Variants in SLC35F3 observed in about 807,000 individuals in gnomAD.
SLC35F3 encodes putative thiamine transporter SLC35F3.
Under a neutral mutation model 49.9 loss-of-function variants are expected in SLC35F3, and 25 were observed. The ratio of observed to expected loss-of-function variants is 0.50; its 90% confidence interval spans 0.37 to 0.70. The LOEUF (loss-of-function observed/expected upper bound fraction) is 0.70, where lower values mean the gene tolerates loss of function less well. Among genes scored for constraint, SLC35F3 ranks in the 30% least tolerant of loss-of-function variants. SLC35F3 has a pLI of 0.00. For missense variants in SLC35F3, 525 were observed against 639.8 expected (o/e 0.82, Z 1.94); for synonymous variants, 275 against 265.4 (o/e 1.04, Z -0.35).
intron 3 of SLC35F3, among the ~76,000 whole-genome samples, chr1:234,270,791 C>G (rs1284083735): frequency 6.6e-6 from 1 of 152,116 alleles, no homozygotes; most frequent in African/African-American, 2.4e-5. Context: ...CTTGCAAGGC[C>G]AAATTGGGAT....
intron 2 of SLC35F3, among the ~76,000 whole-genome samples, chr1:234,094,730 C>T (rs763608080): frequency 2.0e-5 from 3 of 152,036 alleles, no homozygotes; most frequent in Non-Finnish European, 4.4e-5. Context: ...TTTTATGAGG[C>T]ATGAGGGAGG....
At chr1:234,265,739 C>G (rs922227931) in intron 3 of SLC35F3, among the ~76,000 whole-genome samples, 1 of 152,174 alleles carries the variant, frequency 6.6e-6, no homozygotes, top group African/African-American at 2.4e-5. Flanking sequence ...CACTCCCCTA[C>G]TCAAACCCCT....
chr1:234,262,628 G>A (rs571693953), intron 3 of SLC35F3, among the ~76,000 whole-genome samples: 3 of 152,334 alleles, frequency 2.0e-5, no homozygotes, highest in African/African-American at 7.2e-5. Context: ...ATTAGGACCT[G>A]AGTATGCCAA....
At chr1:234,074,274 A>G (rs1026464459) in intron 2 of SLC35F3, among the ~76,000 whole-genome samples, 2 of 152,152 alleles carry the variant, frequency 1.3e-5, no homozygotes, top group African/African-American at 4.8e-5. Context: ...ATTACCTGCT[A>G]TTATCTCTTC....
intron 2 of SLC35F3, among the ~76,000 whole-genome samples, chr1:234,069,471 G>A (rs1664681704): frequency 6.6e-6 from 1 of 151,968 alleles, no homozygotes; most frequent in Non-Finnish European, 1.5e-5. Context: ...TAGCCAGGAT[G>A]GTCTTGATCT....
intron 2 of SLC35F3, among the ~76,000 whole-genome samples, chr1:234,003,042 G>A (rs754093002): frequency 2.0e-5 from 3 of 150,324 alleles, no homozygotes; most frequent in South Asian, 2.1e-4. Context: ...AATTCCTGCC[G>A]CTACAAGATA....
intron 2 of SLC35F3, among the ~76,000 whole-genome samples, chr1:234,102,301 C>T (rs921645021): frequency 6.6e-6 from 1 of 152,094 alleles, no homozygotes; most frequent in Non-Finnish European, 1.5e-5. Context: ...GGATTCAGAC[C>T]CGGATCAGGT....
chr1:234,109,521 G>A (rs1665373593), intron 2 of SLC35F3, among the ~76,000 whole-genome samples: 1 of 152,178 alleles, frequency 6.6e-6, no homozygotes, highest in African/African-American at 2.4e-5. Context: ...TCTCATCACT[G>A]TTTCTCTGTG....
At chr1:234,287,180 C>T (rs10910408) in intron 3 of SLC35F3, among the ~76,000 whole-genome samples, 19,355 of 152,086 alleles carry the variant, frequency 0.13, 1,446 homozygotes, top group Non-Finnish European at 0.17. Context: ...GCCTGGGCAA[C>T]AGAGTGAGAC....
chr1:233,960,684 G>C lies in SLC35F3; in HGVS notation c.283+54926G>C, dbSNP rs75589907. Among the ~76,000 whole-genome samples, 2,462 of 152,178 alleles carry C rather than the reference G, an allele frequency of 0.016. 97 individuals are homozygous for C. In the East Asian group the frequency reaches 0.17, roughly 10 times the overall value. On this transcript the variant is annotated intron_variant, in intron 2 of 7. Transcript: ENST00000366618. ...TTCCCAATTATAAATGCCACCACTGGGTCCTAGTCAACTCTGTTTCATCAC... is the reference window on the plus strand; with the variant it reads ...TTCCCAATTATAAATGCCACCACTGCGTCCTAGTCAACTCTGTTTCATCAC...
chr1:234,142,087 A>G (rs190344418), intron 2 of SLC35F3, among the ~76,000 whole-genome samples: 1 of 152,192 alleles, frequency 6.6e-6, no homozygotes, highest in Non-Finnish European at 1.5e-5. Flanking sequence ...AAGATCATCG[A>G]AAGACTAAGC....
intron 2 of SLC35F3, among the ~76,000 whole-genome samples, chr1:234,089,111 G>A (rs572187442): frequency 2.6e-5 from 4 of 152,138 alleles, no homozygotes; most frequent in South Asian, 2.1e-4. Context: ...TGTTCCACGA[G>A]GCAGTGTTGG....
At chr1:234,213,540 A>G (rs1453916241) in intron 2 of SLC35F3, 2 of 152,270 alleles carry the variant, frequency 1.3e-5, no homozygotes, top group Non-Finnish European at 2.9e-5. Flanking sequence ...TTGTGCTGGC[A>G]AGTGATGCAA....
chr1:234,067,481 C>A (rs1664639033), intron 2 of SLC35F3, among the ~76,000 whole-genome samples: 1 of 152,202 alleles, frequency 6.6e-6, no homozygotes, highest in South Asian at 2.1e-4. Context: ...ATGTCCGCAT[C>A]CGTGAGTGGT....
At chr1:234,087,873 T>C (rs1572047021) in intron 2 of SLC35F3, among the ~76,000 whole-genome samples, 1 of 152,194 alleles carries the variant, frequency 6.6e-6, no homozygotes, top group East Asian at 1.9e-4. Flanking sequence ...TAGCACAACA[T>C]TCTTCTGCCT....
intron 2 of SLC35F3, among the ~76,000 whole-genome samples, chr1:234,059,774 T>A (rs750940868): frequency 3.3e-5 from 5 of 152,176 alleles, no homozygotes; most frequent in Non-Finnish European, 7.3e-5. Context: ...GGACAGCCAG[T>A]CCGAGTCCCA....
At chr1:234,143,298 T>C (rs1370548807) in intron 2 of SLC35F3, among the ~76,000 whole-genome samples, 6 of 142,576 alleles carry the variant, frequency 4.2e-5, no homozygotes, top group African/African-American at 8.3e-5. Flanking sequence ...CTTTTTTTTT[T>C]TTTTTTTGAG....
In SLC35F3 at chr1:234,232,316, G is replaced by C. The variant is rs186095578; in HGVS notation, c.608+575G>C. 5.9e-5 allele frequency among the ~76,000 whole-genome samples: 9 copies of C among 152,050 alleles called. No homozygotes were observed. In the East Asian group the frequency reaches 1.4e-3, roughly 23 times the overall value. On this transcript the variant is annotated intron_variant, in intron 3 of 7. Coordinates refer to ENST00000366618, the MANE Select transcript of SLC35F3 (RefSeq NM_173508.4). ...TTTCTCAAATGGAGTCCATTGGAAT[G>C]ACGTCCCTTTCAAAAAGAGGCCAGA...
chr1:234,257,172 C>T (rs1425711583), intron 3 of SLC35F3, among the ~76,000 whole-genome samples: 1 of 152,192 alleles, frequency 6.6e-6, no homozygotes, highest in African/African-American at 2.4e-5. Flanking sequence ...AACATATTGT[C>T]TGTCACCTTA....
Sources: allele counts gnomAD v4.1 joint callset (sites outside exome capture counted in the v4.1 genomes callset), GRCh38; gene constraint gnomAD v4.1.1; transcripts MANE v1.5; gene names NCBI Gene and HGNC (gene_info 2026-07-23, HGNC 2026-07-21).